The following CACNA2D1 variants were observed in gnomAD, a reference collection of about 807,000 sequenced individuals.
The protein encoded by CACNA2D1 is voltage-dependent calcium channel subunit alpha-2/delta-1.
A neutral mutation model predicts 171.5 loss-of-function variants in CACNA2D1; 53 were observed. That is an observed-to-expected ratio of 0.31 (90% CI 0.25 to 0.39). The LOEUF (loss-of-function observed/expected upper bound fraction) is 0.39. Among genes scored for constraint, CACNA2D1 ranks in the 10% least tolerant of loss-of-function variants. CACNA2D1 has a pLI of 1.00. For missense variants in CACNA2D1, 903 were observed against 1,299.8 expected, an observed-to-expected ratio of 0.69 and a Z score of 4.69; for synonymous variants, 442 against 443.1, an observed-to-expected ratio of 1.00 and a Z score of 0.03.
At chr7:82,060,226 TA>T (rs1806663719) in intron 10 of CACNA2D1, among the ~76,000 whole-genome samples, 1 of 60,874 alleles carries the variant, frequency 1.6e-5, no homozygotes, top group Non-Finnish European at 3.3e-5. Context: ...ATATATAATA[TA>T]TATATATAAT....
chr7:82,345,818 G>GC (rs1325807292), intron 2 of CACNA2D1, among the ~76,000 whole-genome samples: 7 of 151,946 alleles, frequency 4.6e-5, no homozygotes, highest in African/African-American at 1.7e-4. Flanking sequence ...TGTCTAAAAT[G>GC]TTTTAAATGT....
intron 11 of CACNA2D1, 27 bp from the exon 12 acceptor site, chr7:82,032,928 A>G: frequency 8.7e-7 from 1 of 1,148,534 alleles, no homozygotes; most frequent in Non-Finnish European, 1.3e-6. Flanking sequence ...CAAACAAAAC[A>G]ATATGCGTAT....
intron 3 of CACNA2D1, among the ~76,000 whole-genome samples, chr7:82,189,077 T>C (rs576615842): frequency 3.3e-5 from 5 of 152,102 alleles, no homozygotes; most frequent in African/African-American, 9.6e-5. Context: ...GCTATGCTTA[T>C]TACTTGGGTG....
At chr7:82,295,754 T>C (rs1179105926) in intron 3 of CACNA2D1, among the ~76,000 whole-genome samples, 1 of 151,944 alleles carries the variant, frequency 6.6e-6, no homozygotes, top group African/African-American at 2.4e-5. Flanking sequence ...GGTTAACATG[T>C]AGATTCTGAT....
At chr7:82,207,095 T>C (rs1800077290) in intron 3 of CACNA2D1, among the ~76,000 whole-genome samples, 1 of 152,114 alleles carries the variant, frequency 6.6e-6, no homozygotes, top group African/African-American at 2.4e-5. Flanking sequence ...TCTATGGGAG[T>C]ATCCCTGGCC....
intron 3 of CACNA2D1, among the ~76,000 whole-genome samples, chr7:82,289,013 G>T (rs1351937174): frequency 6.6e-6 from 1 of 152,148 alleles, no homozygotes; most frequent in Non-Finnish European, 1.5e-5. Context: ...CTACCTATCA[G>T]AAAGTCACCA....
rs1425742931 is a variant in CACNA2D1 at position 82,013,521 on chromosome 7, CAT to C, written c.1223-13_1223-12del. 2 of 939,768 alleles carry C rather than the reference CAT, an allele frequency of 2.1e-6. No individual in the cohort carries two copies. Among genetic ancestry groups the C allele is most frequent in the African/African-American group, 1.7e-5 (1 of 58,544 alleles). 58.2% of individuals were successfully genotyped at this position (939,768 alleles called of 1,614,324 possible). Reference sequence around the variant, plus strand: ...TTTCATAATAATAACCTGAAATATACATATATGTTTTTATACATAAATGTTAC... The same window carrying C: ...TTTCATAATAATAACCTGAAATATACATATGTTTTTATACATAAATGTTAC... On this transcript the variant is annotated splice_polypyrimidine_tract_variant and intron_variant, in intron 13 of 38. Transcript: ENST00000356860.
intron 10 of CACNA2D1, among the ~76,000 whole-genome samples, chr7:82,040,226 CAG>C (rs1803768681): frequency 1.3e-5 from 2 of 152,018 alleles, no homozygotes; most frequent in Non-Finnish European, 1.5e-5. Flanking sequence ...GGATGCATAA[CAG>C]AGCGGTATCT....
intron 3 of CACNA2D1, among the ~76,000 whole-genome samples, chr7:82,272,176 T>C (rs2129352237): frequency 6.6e-6 from 1 of 152,278 alleles, no homozygotes. Flanking sequence ...AATTGTAGTA[T>C]TCCAGCTTTT....
intron 10 of CACNA2D1, among the ~76,000 whole-genome samples, chr7:82,038,471 T>G (rs1206559853): frequency 6.6e-6 from 1 of 152,198 alleles, no homozygotes; most frequent in Non-Finnish European, 1.5e-5. Flanking sequence ...CTGCTTTCCC[T>G]GCTTATAAAT....
chr7:82,333,008 C>A (rs1018510915), intron 3 of CACNA2D1, among the ~76,000 whole-genome samples: 1 of 151,878 alleles, frequency 6.6e-6, no homozygotes, highest in Admixed American at 6.6e-5. Flanking sequence ...CAAAAACAAA[C>A]AAAGAATAAG....
intron 18 of CACNA2D1, among the ~76,000 whole-genome samples, chr7:81,997,492 T>A (rs1333129467): frequency 6.6e-6 from 1 of 151,642 alleles, no homozygotes; most frequent in African/African-American, 2.4e-5. Flanking sequence ...TTTTGAGTGC[T>A]GTATTTGATA....
chr7:82,333,331 T>C (rs74467406), intron 3 of CACNA2D1, among the ~76,000 whole-genome samples: 5,765 of 152,214 alleles, frequency 0.038, 159 homozygotes, highest in Middle Eastern at 0.082. Context: ...ACTTAGCCTA[T>C]GTATTTAGTC....
chr7:82,416,599 C>T (rs983852792), intron 1 of CACNA2D1, among the ~76,000 whole-genome samples: 5 of 152,202 alleles, frequency 3.3e-5, no homozygotes, highest in Admixed American at 1.3e-4. Context: ...CCAGCCTTCA[C>T]ATGCACTCTC....
intron 12 of CACNA2D1, chr7:82,029,718 T>G (rs1266334967): frequency 6.6e-6 from 1 of 151,640 alleles, no homozygotes; most frequent in African/African-American, 2.4e-5. Context: ...TATGTGTGGA[T>G]ATATATATAT....
At position 82,362,208 on chromosome 7, in the gene CACNA2D1, T is replaced by A. The variant is rs1468886751; in HGVS notation, c.96-12559A>T. ...ATGAATTAAACATCAACATTCCAAA[T>A]GAATTGTTGCAGTCTCCCAATTTTT... On this transcript the variant is annotated intron_variant, in intron 1 of 38. Coordinates refer to ENST00000356860, the MANE Select transcript of CACNA2D1 (RefSeq NM_000722.4). Among the ~76,000 whole-genome samples, 3 of 152,190 alleles carry A rather than the reference T, an allele frequency of 2.0e-5. No homozygotes were observed. In the South Asian group the frequency reaches 6.2e-4, roughly 32 times the overall value.
intron 10 of CACNA2D1, among the ~76,000 whole-genome samples, chr7:82,060,211 A>ATAATATATATATTATATATATATT (rs374742133): frequency 3.2e-5 from 1 of 31,364 alleles, no homozygotes; most frequent in Non-Finnish European, 5.8e-5. Context: ...TTATATATAT[A>ATAATATATATATTATATATATATT]ATATATATAT....
chr7:82,067,575 C>G (rs1324720387), intron 7 of CACNA2D1, among the ~76,000 whole-genome samples: 2 of 152,090 alleles, frequency 1.3e-5, no homozygotes, highest in South Asian at 2.1e-4. Context: ...TTCTAAATGA[C>G]TAATCATATT....
At chr7:82,253,838 A>G (rs1050589657) in intron 3 of CACNA2D1, among the ~76,000 whole-genome samples, 2 of 152,192 alleles carry the variant, frequency 1.3e-5, no homozygotes, top group African/African-American at 2.4e-5. Context: ...GCTAAGAAAC[A>G]TGAGGTCAAA....
Sources: allele counts gnomAD v4.1 joint callset (sites outside exome capture counted in the v4.1 genomes callset), GRCh38; gene constraint gnomAD v4.1.1; transcripts MANE v1.5; gene names NCBI Gene and HGNC (gene_info 2026-07-23, HGNC 2026-07-21).